The following P2RY8 variants were observed in gnomAD, a reference collection of about 807,000 sequenced individuals.
The protein encoded by P2RY8 is P2Y receptor family member 8.
In P2RY8, 6 loss-of-function variants were observed where a neutral mutation model predicts 10.0. The observed-to-expected ratio is 0.60, with a 90% CI of 0.33 to 1.19. The LOEUF (loss-of-function observed/expected upper bound fraction) is 1.19. P2RY8 is among the 50% of genes most tolerant of loss of function. The pLI, the probability that P2RY8 is intolerant of heterozygous loss-of-function variation, is 0.04. For synonymous variants in P2RY8, 276 were observed against 252.5 expected, an observed-to-expected ratio of 1.09 and a Z score of -0.88; for missense variants, 456 against 542.0, an observed-to-expected ratio of 0.84 and a Z score of 1.58.
chrX:1,498,456 C>T (rs1461356945), intron 1 of P2RY8, among the ~76,000 whole-genome samples: 1 of 150,604 alleles, frequency 6.6e-6, no homozygotes, highest in Admixed American at 6.6e-5. Flanking sequence ...AGGGCCAGCC[C>T]ATCTTGGTTA....
chrX:1,507,726 T>G (rs771342423), intron 1 of P2RY8, among the ~76,000 whole-genome samples: 1 of 152,256 alleles, frequency 6.6e-6, no homozygotes, highest in Non-Finnish European at 1.5e-5. Flanking sequence ...CATGAGTAGC[T>G]TCATGTTGAG....
At chrX:1,521,858 A>G (rs1466297890) in intron 1 of P2RY8, among the ~76,000 whole-genome samples, 6 of 145,406 alleles carry the variant, frequency 4.1e-5, no homozygotes, top group Non-Finnish European at 3.0e-5. Flanking sequence ...TCCCGCGAAG[A>G]GTGTTTATAG....
chrX:1,535,631 G>A (rs1307431073), intron 1 of P2RY8, among the ~76,000 whole-genome samples: 2 of 151,234 alleles, frequency 1.3e-5, no homozygotes, highest in Non-Finnish European at 2.9e-5. Context: ...TTTCACTTAG[G>A]GCTCTCGCGC....
At chrX:1,499,226 G>C (rs781659925) in intron 1 of P2RY8, among the ~76,000 whole-genome samples, 3 of 142,348 alleles carry the variant, frequency 2.1e-5, no homozygotes, top group Non-Finnish European at 4.5e-5. Context: ...GCAATGGCAC[G>C]ATCTCGGTTC....
chrX:1,531,903 A>C (rs1181044486), intron 1 of P2RY8, among the ~76,000 whole-genome samples: 2 of 152,164 alleles, frequency 1.3e-5, no homozygotes, highest in Non-Finnish European at 2.9e-5. Context: ...AAACATCAAG[A>C]AATAGCAAAT....
intron 1 of P2RY8, among the ~76,000 whole-genome samples, chrX:1,523,125 A>AC: frequency 6.6e-6 from 1 of 151,622 alleles, no homozygotes; most frequent in African/African-American, 2.4e-5. Flanking sequence ...AAATAAAACA[A>AC]AAATTGAAAA....
intron 1 of P2RY8, among the ~76,000 whole-genome samples, chrX:1,476,850 C>T (rs1230463969): frequency 1.3e-5 from 2 of 152,010 alleles, no homozygotes; most frequent in Non-Finnish European, 2.9e-5. Context: ...CATCCAGCCT[C>T]AAATATCTAC....
chrX:1,524,384 T>C (rs185516944), intron 1 of P2RY8, among the ~76,000 whole-genome samples: 28 of 145,212 alleles, frequency 1.9e-4, no homozygotes, highest in Middle Eastern at 3.5e-3. Context: ...CATCCATCCA[T>C]CCATCCATCC....
At chrX:1,530,163 TCTATCTATC>T (rs1569538870) in intron 1 of P2RY8, among the ~76,000 whole-genome samples, 33 of 5,444 alleles carry the variant, frequency 6.1e-3, no homozygotes, top group Non-Finnish European at 9.7e-3. Flanking sequence ...GTATGATCTA[TCTATCTATC>T]TATCTATCTA....
intron 1 of P2RY8, among the ~76,000 whole-genome samples, chrX:1,502,242 T>C (rs1466723051): frequency 6.6e-6 from 1 of 152,166 alleles, no homozygotes; most frequent in East Asian, 1.9e-4. Context: ...AAGTCCTGTC[T>C]AGGTTTATGA....
At chrX:1,516,673 G>A (rs1218049484) in intron 1 of P2RY8, among the ~76,000 whole-genome samples, 1 of 151,812 alleles carries the variant, frequency 6.6e-6, no homozygotes, top group Non-Finnish European at 1.5e-5. Flanking sequence ...CAGGATTGTG[G>A]GAGAATCAAC....
At chrX:1,535,708 C>CAG (rs1479743126) in intron 1 of P2RY8, among the ~76,000 whole-genome samples, 11 of 146,166 alleles carry the variant, frequency 7.5e-5, no homozygotes, top group African/African-American at 2.0e-4. Flanking sequence ...CACACACACA[C>CAG]ACACACAGAC....
intron 1 of P2RY8, among the ~76,000 whole-genome samples, chrX:1,505,549 G>C (rs5948926): frequency 0.21 from 31,760 of 152,154 alleles, 4,339 homozygotes; most frequent in Admixed American, 0.3. Context: ...AAGCCTTCTG[G>C]GAGGCCGAGG....
intron 1 of P2RY8, among the ~76,000 whole-genome samples, chrX:1,473,823 G>A (rs369851435): frequency 0.028 from 990 of 35,986 alleles, 2 homozygotes; most frequent in African/African-American, 0.11. Flanking sequence ...TGAGTGGGTG[G>A]GTGGGTGGAT....
intron 1 of P2RY8, among the ~76,000 whole-genome samples, chrX:1,481,215 C>T (rs2091931589): frequency 6.6e-6 from 1 of 151,712 alleles, no homozygotes; most frequent in South Asian, 2.1e-4. Flanking sequence ...GTGGTCCAGG[C>T]TGGAGTGCAA....
chrX:1,510,228 C>T (rs1461848252), intron 1 of P2RY8, among the ~76,000 whole-genome samples: 6 of 152,112 alleles, frequency 3.9e-5, no homozygotes, highest in African/African-American at 4.8e-5. Flanking sequence ...TATCAATCAT[C>T]GAATAGCTAT....
chrX:1,501,142 G>T (rs1295049005), intron 1 of P2RY8, among the ~76,000 whole-genome samples: 1 of 152,146 alleles, frequency 6.6e-6, no homozygotes, highest in Non-Finnish European at 1.5e-5. Flanking sequence ...GCTGGCCGGA[G>T]AGTCCCAGGG....
chrX:1,509,178 T>TCTATCTATCTATCTAG (rs2092269787), intron 1 of P2RY8, among the ~76,000 whole-genome samples: 1 of 151,828 alleles, frequency 6.6e-6, no homozygotes, highest in African/African-American at 2.4e-5. Flanking sequence ...TATCTATCTA[T>TCTATCTATCTATCTAG]CTATCTATCT....
chrX:1,524,645 A>ACATCCAGG (rs2092423348), intron 1 of P2RY8, among the ~76,000 whole-genome samples: 1 of 42,222 alleles, frequency 2.4e-5, no homozygotes, highest in African/African-American at 9.6e-5. Context: ...ATCCATCCAT[A>ACATCCAGG]CATCCATCCA....
Sources: allele counts gnomAD v4.1 joint callset (sites outside exome capture counted in the v4.1 genomes callset), GRCh38; gene constraint gnomAD v4.1.1; transcripts MANE v1.5; gene names NCBI Gene and HGNC (gene_info 2026-07-23, HGNC 2026-07-21).